KHDRBS2: variants seen among roughly 807,000 people sequenced by gnomAD.
KHDRBS2 encodes the protein KH domain-containing, RNA-binding, signal transduction-associated protein 2.
A neutral mutation model predicts 44.3 loss-of-function variants in KHDRBS2; 26 were observed. That is an observed-to-expected ratio of 0.59 (90% CI 0.43 to 0.81). KHDRBS2 has a LOEUF of 0.81. KHDRBS2 is among the 40% of genes least tolerant of loss of function. The pLI is 0.00. For synonymous variants in KHDRBS2, 194 were observed against 151.1 expected (o/e 1.28, Z -2.08); for missense variants, 476 against 433.1 (o/e 1.10, Z -0.88).
At chr6:61,885,653 A>G (rs947715554) in intron 6 of KHDRBS2, among the ~76,000 whole-genome samples, 2 of 152,276 alleles carry the variant, frequency 1.3e-5, no homozygotes, top group Non-Finnish European at 2.9e-5. Context: ...CTAACTAACT[A>G]TTCTTCACAG....
intron 3 of KHDRBS2, among the ~76,000 whole-genome samples, chr6:62,043,068 A>G (rs1422476002): frequency 1.3e-5 from 2 of 152,016 alleles, no homozygotes; most frequent in Non-Finnish European, 2.9e-5. Flanking sequence ...AAGATCTCCT[A>G]TTTTCCTCAC....
chr6:61,904,996 T>C (rs1005281369), intron 4 of KHDRBS2, among the ~76,000 whole-genome samples: 4 of 152,210 alleles, frequency 2.6e-5, no homozygotes, highest in African/African-American at 4.8e-5. Context: ...TCAACATACT[T>C]TATACTATGT....
At chr6:61,773,937 A>G (rs896095368) in intron 6 of KHDRBS2, among the ~76,000 whole-genome samples, 10 of 152,108 alleles carry the variant, frequency 6.6e-5, no homozygotes, top group African/African-American at 2.4e-4. Context: ...CAGGTTTGTC[A>G]AAGATCAGAT....
chr6:61,938,382 T>C (rs541164611), intron 4 of KHDRBS2, among the ~76,000 whole-genome samples: 8 of 152,240 alleles, frequency 5.3e-5, no homozygotes, highest in African/African-American at 1.9e-4. Flanking sequence ...AGAAACAGGA[T>C]ATGCTATAAA....
intron 2 of KHDRBS2, among the ~76,000 whole-genome samples, chr6:62,158,269 G>A (rs1295938620): frequency 1.3e-5 from 2 of 152,120 alleles, no homozygotes; most frequent in East Asian, 1.9e-4. Flanking sequence ...AAAAACAGAA[G>A]AAGCTAATAT....
At chr6:61,818,373 T>C (rs75177680) in intron 6 of KHDRBS2, among the ~76,000 whole-genome samples, 10,093 of 150,462 alleles carry the variant, frequency 0.067, 398 homozygotes, top group Middle Eastern at 0.13. Context: ...TAATATAATA[T>C]ACTAAGATGA....
chr6:61,702,419 T>G (rs746380709), intron 7 of KHDRBS2, among the ~76,000 whole-genome samples: 3 of 152,042 alleles, frequency 2.0e-5, no homozygotes, highest in South Asian at 2.1e-4. Flanking sequence ...GTAGGAGAGA[T>G]AAACTTTTCT....
chr6:61,581,541 TACAATATACAATACACAATATACA>T, the KHDRBS2 span, among the ~76,000 whole-genome samples: 1 of 147,110 alleles, frequency 6.8e-6, no homozygotes, highest in Non-Finnish European at 1.5e-5. Flanking sequence ...TAATATAATA[TACAATATACAATACACAATATACA>T]ACAATATACA....
At chr6:61,822,699 C>T (rs1562248762) in intron 6 of KHDRBS2, among the ~76,000 whole-genome samples, 1 of 151,962 alleles carries the variant, frequency 6.6e-6, no homozygotes, top group Non-Finnish European at 1.5e-5. Context: ...CTACTCTAGG[C>T]TTTTGTGTTC....
intron 2 of KHDRBS2, 125 bp from the exon 3 acceptor site, chr6:62,048,119 C>CAT: frequency 3.5e-6 from 2 of 573,272 alleles, no homozygotes; most frequent in Admixed American, 2.6e-5. Context: ...ATGCCATAAA[C>CAT]ATACACACAC....
intron 6 of KHDRBS2, among the ~76,000 whole-genome samples, chr6:61,847,035 A>G (rs1794520245): frequency 6.6e-6 from 1 of 152,114 alleles, no homozygotes; most frequent in Non-Finnish European, 1.5e-5. Context: ...TCAAACATTT[A>G]TTAAGAAAAA....
rs1815407949 is a variant in KHDRBS2, at chr6:62,152,411, C to CT, written c.219+24773dup. 2.0e-5 allele frequency among the ~76,000 whole-genome samples: 3 copies of CT among 152,166 alleles called. No individual in the cohort carries two copies. In the South Asian group the frequency reaches 6.2e-4, roughly 31 times the overall value. ...ACAAATAAGTCAGCTAGCACAGTGT[C>CT]TAACACTTAAGAATTCACTAAATGT... On this transcript the variant is annotated intron_variant, in intron 2 of 8. Transcript: ENST00000281156.
At chr6:61,575,316 C>G in the KHDRBS2 span, among the ~76,000 whole-genome samples, 1 of 152,162 alleles carries the variant, frequency 6.6e-6, no homozygotes, top group Admixed American at 6.5e-5. Flanking sequence ...CATGAATAGA[C>G]AATTCTCAAA....
chr6:61,741,071 A>G (rs1776064364), intron 6 of KHDRBS2, among the ~76,000 whole-genome samples: 1 of 151,968 alleles, frequency 6.6e-6, no homozygotes, highest in East Asian at 1.9e-4. Flanking sequence ...CATTTAAAAA[A>G]ATCAGCCTTG....
intron 4 of KHDRBS2, among the ~76,000 whole-genome samples, chr6:61,946,708 T>G (rs1438061121): frequency 6.6e-6 from 1 of 152,152 alleles, no homozygotes; most frequent in Non-Finnish European, 1.5e-5. Context: ...AGGAAATAGC[T>G]GTTAGAGCGC....
chr6:61,718,398 G>A (rs1771795535), intron 7 of KHDRBS2, among the ~76,000 whole-genome samples: 2 of 152,184 alleles, frequency 1.3e-5, no homozygotes, highest in East Asian at 1.9e-4. Context: ...TTATTTATAT[G>A]TTCAAGCAAC....
chr6:62,237,913 C>T (rs1295514448), intron 1 of KHDRBS2, among the ~76,000 whole-genome samples: 10 of 152,006 alleles, frequency 6.6e-5, no homozygotes, highest in Admixed American at 5.9e-4. Context: ...GTGGTGCATG[C>T]CTGTAATCCC....
At chr6:62,192,712 C>A (rs1329404663) in intron 1 of KHDRBS2, among the ~76,000 whole-genome samples, 2 of 152,140 alleles carry the variant, frequency 1.3e-5, no homozygotes, top group African/African-American at 4.8e-5. Flanking sequence ...TGACCTGCTT[C>A]ACATACATCT....
At chr6:61,914,857 C>T (rs907559624) in intron 4 of KHDRBS2, among the ~76,000 whole-genome samples, 6 of 151,992 alleles carry the variant, frequency 3.9e-5, no homozygotes, top group South Asian at 2.1e-4. Flanking sequence ...AATATGTTTA[C>T]ATGAAGACAT....
Sources: allele counts gnomAD v4.1 joint callset (sites outside exome capture counted in the v4.1 genomes callset), GRCh38; gene constraint gnomAD v4.1.1; transcripts MANE v1.5; gene names NCBI Gene and HGNC (gene_info 2026-07-23, HGNC 2026-07-21).